The following GNAL variants were observed in gnomAD, a reference collection of about 807,000 sequenced individuals.
GNAL encodes the protein guanine nucleotide-binding protein G(olf) subunit alpha.
GNAL carries 18 observed loss-of-function variants against 55.1 expected under a neutral mutation model. That is an observed-to-expected ratio of 0.33 (90% CI 0.23 to 0.48). GNAL has a LOEUF of 0.48. GNAL is among the 20% of genes least tolerant of loss of function. The pLI is 0.99. For synonymous variants in GNAL, 253 were observed against 237.0 expected (o/e 1.07, Z -0.62); for missense variants, 412 against 614.1 (o/e 0.67, Z 3.48).
chr18:11,860,974 C>G (rs904767849), intron 5 of GNAL, among the ~76,000 whole-genome samples: 1 of 152,162 alleles, frequency 6.6e-6, no homozygotes, highest in Non-Finnish European at 1.5e-5. Flanking sequence ...TGTTCTGAAC[C>G]GTTTCGTCTC....
chr18:11,811,197 G>A (rs545785067), intron 4 of GNAL, among the ~76,000 whole-genome samples: 142 of 152,218 alleles, frequency 9.3e-4, no homozygotes, highest in African/African-American at 3.2e-3. Flanking sequence ...CTCCTGGACC[G>A]TCCCACGGCC....
At chr18:11,712,156 C>G (rs191481708) in intron 1 of GNAL, among the ~76,000 whole-genome samples, 1 of 152,354 alleles carries the variant, frequency 6.6e-6, no homozygotes, top group Admixed American at 6.5e-5. Flanking sequence ...TTGTTCTTAG[C>G]TTTCCTCAGG....
In GNAL at chr18:11,876,321, G is replaced by T. The variant is rs72870429; in HGVS notation, c.1163-300G>T. On this transcript the variant is annotated intron_variant, in intron 10 of 11. Coordinates refer to ENST00000334049, the MANE Select transcript of GNAL (RefSeq NM_182978.4). ...ACCCTGTCTCTACAAAAATTAGCCA[G>T]TTGTGATGGCGGGTGCCCGTAATTC... Among the ~76,000 whole-genome samples, 9,474 of 152,226 alleles carry T rather than the reference G, an allele frequency of 0.062. 431 individuals carry two copies. Among genetic ancestry groups the T allele is most frequent in the Middle Eastern group, 0.095 (28 of 294 alleles).
At chr18:11,794,854 T>C (rs1209061749) in intron 4 of GNAL, among the ~76,000 whole-genome samples, 1 of 151,964 alleles carries the variant, frequency 6.6e-6, no homozygotes, top group African/African-American at 2.4e-5. Context: ...GTTTGTTTGT[T>C]GTTTTTGAGA....
At chr18:11,802,787 C>T (rs534567544) in intron 4 of GNAL, among the ~76,000 whole-genome samples, 7 of 152,234 alleles carry the variant, frequency 4.6e-5, no homozygotes, top group African/African-American at 9.6e-5. Flanking sequence ...TAGGGACTGC[C>T]GGGTGGCAGG....
chr18:11,797,134 G>C (rs541981858), intron 4 of GNAL, among the ~76,000 whole-genome samples: 5 of 152,276 alleles, frequency 3.3e-5, no homozygotes, highest in African/African-American at 1.2e-4. Flanking sequence ...TTTTCGCCAT[G>C]TTGGCCAGGC....
intron 4 of GNAL, among the ~76,000 whole-genome samples, chr18:11,805,392 G>T (rs2034632918): frequency 6.6e-6 from 1 of 152,042 alleles, no homozygotes; most frequent in Non-Finnish European, 1.5e-5. Flanking sequence ...TACAGGTGCA[G>T]CTTGGGTGGA....
chr18:11,758,480 A>G (rs1346338456), intron 4 of GNAL, among the ~76,000 whole-genome samples: 3 of 152,244 alleles, frequency 2.0e-5, no homozygotes, highest in East Asian at 3.8e-4. Context: ...GGTCAAAGCA[A>G]AAAATAAAAA....
intron 1 of GNAL, among the ~76,000 whole-genome samples, chr18:11,695,552 A>G (rs17515325): frequency 0.12 from 18,401 of 152,298 alleles, 1,282 homozygotes; most frequent in Middle Eastern, 0.17. Flanking sequence ...GAGTTGTAAC[A>G]GAGTCAATGC....
chr18:11,690,379 C>T (rs1364887824), intron 1 of GNAL, among the ~76,000 whole-genome samples: 3 of 152,160 alleles, frequency 2.0e-5, no homozygotes, highest in Non-Finnish European at 4.4e-5. Context: ...TTTAGCTTGA[C>T]CGCAAAGCTT....
chr18:11,791,583 A>G (rs1160701170), intron 4 of GNAL, among the ~76,000 whole-genome samples: 1 of 152,238 alleles, frequency 6.6e-6, no homozygotes, highest in East Asian at 1.9e-4. Flanking sequence ...CACTATCTTA[A>G]TAAGATACTA....
At chr18:11,726,071 T>C (rs1279198414) in intron 1 of GNAL, among the ~76,000 whole-genome samples, 5 of 152,260 alleles carry the variant, frequency 3.3e-5, no homozygotes. Flanking sequence ...ACTGTATTTC[T>C]GTGAGTCTAT....
At chr18:11,801,255 T>C (rs866568136) in intron 4 of GNAL, among the ~76,000 whole-genome samples, 5 of 152,038 alleles carry the variant, frequency 3.3e-5, no homozygotes, top group African/African-American at 1.2e-4. Flanking sequence ...AATAAATCAA[T>C]AAACCACAGT....
At chr18:11,851,442 A>T (rs551906243) in intron 5 of GNAL, 28 of 1,456,684 alleles carry the variant, frequency 1.9e-5, no homozygotes, top group Non-Finnish European at 2.4e-5. Context: ...CCGGGAGCGG[A>T]CTTACCTTAC....
rs528942967 is a variant in GNAL at position 11,820,346 on chromosome 18, TTTAA to T, written c.625-4568_625-4565del. Among the ~76,000 whole-genome samples the T allele has an allele frequency of 4.5e-3, 680 of 152,340 alleles. 4 individuals carry two copies. Among genetic ancestry groups the T allele is most frequent in the Non-Finnish European group, 8.0e-3 (545 of 68,018 alleles). The stretch of plus-strand genomic sequence containing the variant: ...ATCCTAGCCTAGCTCTGAACAAATG[TTTAA>T]TTATACCTTAAGAAGCTTCACTGGC... On this transcript the variant is annotated intron_variant, in intron 4 of 11. Coordinates refer to ENST00000334049, the MANE Select transcript of GNAL (RefSeq NM_182978.4).
At chr18:11,789,265 GA>G (rs2034163077) in intron 4 of GNAL, among the ~76,000 whole-genome samples, 1 of 152,114 alleles carries the variant, frequency 6.6e-6, no homozygotes, top group Non-Finnish European at 1.5e-5. Context: ...GGAGTCTGTT[GA>G]AAACATCCCT....
In GNAL at chr18:11,689,730, G is replaced by A; in HGVS notation, c.167G>A (p.Gly56Asp). 1 of 1,500,100 alleles carries A rather than the reference G, an allele frequency of 6.7e-7. No individual in the cohort carries two copies. The highest frequency in any genetic ancestry group is 8.9e-7 in the Non-Finnish European group (1 of 1,128,930). 92.9% of individuals were successfully genotyped at this position (1,500,100 alleles called of 1,614,324 possible). A position where few individuals can be genotyped will look rare whatever the true frequency, so the allele number is the denominator to read the frequency against. The change falls in exon 1 of 12, where the codon GGC becomes GAC. Residue 56 changes from glycine to aspartate, a missense_variant. Coordinates refer to ENST00000334049, the MANE Select transcript of GNAL (RefSeq NM_182978.4). ...ACGGCCCGGACCCTGCTCCCTCGGG[G>A]CGGCGAAGGGAGCCCGGCATGCGCT... ...RDTARTLLPRGGEGSPACARP... is the reference protein window; with the variant it reads ...RDTARTLLPRDGEGSPACARP...
At chr18:11,805,828 T>G (rs1380374294) in intron 4 of GNAL, among the ~76,000 whole-genome samples, 1 of 152,194 alleles carries the variant, frequency 6.6e-6, no homozygotes, top group Non-Finnish European at 1.5e-5. Flanking sequence ...AGGTATCTTT[T>G]TGACATAATG....
intron 2 of GNAL, 111 bp downstream of exon 2, chr18:11,753,036 A>C: frequency 1.7e-6 from 1 of 603,594 alleles, no homozygotes; most frequent in Non-Finnish European, 3.0e-6. Flanking sequence ...TGGAGTAGAC[A>C]TTCAAGGGGG....
Sources: gnomAD v4.1 joint callset for allele counts (sites outside exome capture counted in the v4.1 genomes callset) on GRCh38, gnomAD v4.1.1 for gene constraint, MANE v1.5 for transcripts, NCBI Gene and HGNC (gene_info 2026-07-23, HGNC 2026-07-21) for gene names.